The following CPLX2 variants were observed in gnomAD, a reference collection of about 807,000 sequenced individuals.
CPLX2 encodes complexin-2.
In CPLX2, 5 loss-of-function variants were observed where a neutral mutation model predicts 16.3. The observed-to-expected ratio is 0.31, with a 90% CI of 0.16 to 0.64. The LOEUF (loss-of-function observed/expected upper bound fraction) is 0.64. CPLX2 is among the 30% of genes least tolerant of loss of function. The probability of loss-of-function intolerance (pLI) is 0.79; values close to 1 mark genes in which losing one functional copy is unlikely to be tolerated. For synonymous variants in CPLX2, 89 were observed against 73.2 expected (o/e 1.22, Z -1.10); for missense variants, 144 against 181.4 (o/e 0.79, Z 1.18).
At chr5:175,802,639 G>C (rs1172566844) in intron 1 of CPLX2, among the ~76,000 whole-genome samples, 1 of 152,092 alleles carries the variant, frequency 6.6e-6, no homozygotes, top group Non-Finnish European at 1.5e-5. Context: ...TGCAGAGTAG[G>C]GCATGGGGCC....
Position 175,830,865 on chromosome 5 carries a change from T to A in CPLX2, c.-89+21797T>A, listed in dbSNP as rs1183305142. Among the ~76,000 whole-genome samples, 1 of 152,046 alleles carries A rather than the reference T, an allele frequency of 6.6e-6. No individual in the cohort carries two copies. The highest frequency in any genetic ancestry group is 1.5e-5 in the Non-Finnish European group (1 of 68,004). ...CATGTCACCTGCCAAGGGAAGCAGG[T>A]GGGTCTGCTCCAAACAAGCCTCGAT... On this transcript the variant is annotated intron_variant, in intron 2 of 4. Coordinates refer to the CPLX2 transcript ENST00000359546. The surrounding 1 kb of genome is among the most constrained non-coding windows in gnomAD (Gnocchi z 4.0).
At chr5:175,836,425 C>T (rs369275282) in intron 2 of CPLX2, among the ~76,000 whole-genome samples, 2 of 152,200 alleles carry the variant, frequency 1.3e-5, no homozygotes, top group Admixed American at 6.5e-5. Context: ...AGCACTGGTT[C>T]GTGCTCCTGG....
chr5:175,822,378 A>ACT (rs1285293360), intron 2 of CPLX2, among the ~76,000 whole-genome samples: 25 of 152,090 alleles, frequency 1.6e-4, no homozygotes, highest in Non-Finnish European at 3.2e-4. Context: ...CAGCCCAGTG[A>ACT]CTCAACTCTC....
At chr5:175,799,481 C>T (rs1758047272) in intron 1 of CPLX2, among the ~76,000 whole-genome samples, 1 of 147,614 alleles carries the variant, frequency 6.8e-6, no homozygotes, top group African/African-American at 2.5e-5. Flanking sequence ...TCTTTGTTCT[C>T]AAGAAGATGG....
At chr5:175,814,837 T>C (rs1410843012) in intron 2 of CPLX2, among the ~76,000 whole-genome samples, 1 of 152,082 alleles carries the variant, frequency 6.6e-6, no homozygotes, top group Non-Finnish European at 1.5e-5. Context: ...GCTTTTTTCC[T>C]CCTTGCATCA....
chr5:175,841,335 C>T (rs141097821), intron 2 of CPLX2, among the ~76,000 whole-genome samples: 229 of 152,322 alleles, frequency 1.5e-3, no homozygotes, highest in Middle Eastern at 3.4e-3. Context: ...TGTGCAAGCT[C>T]CCAGCAGGTG....
intron 2 of CPLX2, among the ~76,000 whole-genome samples, chr5:175,822,598 G>A (rs1038249268): frequency 1.3e-5 from 2 of 152,196 alleles, no homozygotes; most frequent in Non-Finnish European, 2.9e-5. Flanking sequence ...ATGGCCCCAG[G>A]GCTTCAGACA....
rs1016879668 is a variant in CPLX2 at position 175,817,452 on chromosome 5, C to T, written c.-89+8384C>T. Among the ~76,000 whole-genome samples the T allele has an allele frequency of 3.5e-4, 53 of 152,308 alleles. 1 individual carries two copies. The highest frequency in any genetic ancestry group is 1.2e-3 in the African/African-American group (51 of 41,558). On this transcript the variant is annotated intron_variant, in intron 2 of 4. Coordinates refer to the CPLX2 transcript ENST00000359546. ...GACCTCAACTGATGTCACTGTTTCT[C>T]CTTTTCCCCCACTGGGGTCAGAGGG... is the stretch of plus-strand genomic sequence containing the variant.
intron 1 of CPLX2, among the ~76,000 whole-genome samples, chr5:175,875,573 T>C (rs899958583): frequency 1.1e-4 from 17 of 152,228 alleles, no homozygotes; most frequent in African/African-American, 4.1e-4. Context: ...AATTACTCAC[T>C]ATTGCACAGC....
intron 2 of CPLX2, among the ~76,000 whole-genome samples, chr5:175,851,179 C>T (rs2113679097): frequency 6.6e-6 from 1 of 152,182 alleles, no homozygotes; most frequent in East Asian, 1.9e-4. Flanking sequence ...CTTGTCTCTT[C>T]AAAGGTACCC....
intron 2 of CPLX2, among the ~76,000 whole-genome samples, chr5:175,864,956 G>A (rs138958056): frequency 1.6e-4 from 25 of 152,198 alleles, no homozygotes; most frequent in Non-Finnish European, 2.5e-4. Context: ...TTCCCCATCC[G>A]TAAACTGAGG....
intron 2 of CPLX2, among the ~76,000 whole-genome samples, chr5:175,859,767 T>C (rs1759327961): frequency 6.6e-6 from 1 of 152,316 alleles, no homozygotes; most frequent in Admixed American, 6.5e-5. Flanking sequence ...GGGGACCAGC[T>C]TGTAGTAGGT....
chr5:175,842,501 C>T (rs144697011), intron 2 of CPLX2, among the ~76,000 whole-genome samples: 256 of 152,364 alleles, frequency 1.7e-3, no homozygotes, highest in African/African-American at 5.8e-3. Flanking sequence ...GCAAACGGCC[C>T]CGCTTCCTGA....
At chr5:175,848,276 A>C (rs778084806) in intron 2 of CPLX2, among the ~76,000 whole-genome samples, 30 of 152,192 alleles carry the variant, frequency 2.0e-4, no homozygotes, top group Non-Finnish European at 4.3e-4. Flanking sequence ...GAAAGGCCCC[A>C]AAAAGGAGGG....
intron 2 of CPLX2, among the ~76,000 whole-genome samples, chr5:175,840,818 G>C (rs567537762): frequency 2.0e-4 from 30 of 152,350 alleles, no homozygotes; most frequent in African/African-American, 6.3e-4. Flanking sequence ...TTGCACACAT[G>C]TGGGAAAGCG....
Position 175,879,842 on chromosome 5 carries a change from C to T in CPLX2, c.208-6C>T, listed in dbSNP as rs1755526164. ...TCATGCGCGTCTCTGCCCTCCCCCT[C>T]CCCAGTATGGGCTGAAGAAGAAGGA... On this transcript the variant is annotated splice_polypyrimidine_tract_variant and splice_region_variant and intron_variant, in intron 3 of 3. Coordinates refer to ENST00000393745, the MANE Select transcript of CPLX2 (RefSeq NM_001008220.2). 4 of 1,608,852 alleles carry T rather than the reference C, an allele frequency of 2.5e-6. No homozygotes were observed. The highest frequency in any genetic ancestry group is 3.4e-5 in the Admixed American group (2 of 59,264).
At chr5:175,868,593 G>A (rs555798737), upstream of CPLX2, among the ~76,000 whole-genome samples, 58 of 152,114 alleles carry the variant, frequency 3.8e-4, no homozygotes, top group Non-Finnish European at 7.5e-4. Flanking sequence ...ACCTGCGGCT[G>A]GGCCTGTTTG....
chr5:175,870,681 A>G (rs542258826), upstream of CPLX2, among the ~76,000 whole-genome samples: 1 of 152,302 alleles, frequency 6.6e-6, no homozygotes. Flanking sequence ...GTGGGAGCAG[A>G]TGTTGTCCTG....
intron 2 of CPLX2, among the ~76,000 whole-genome samples, chr5:175,836,215 T>C (rs1300485667): frequency 1.3e-5 from 2 of 152,044 alleles, no homozygotes; most frequent in East Asian, 1.9e-4. Context: ...CTGGGCGTGG[T>C]GGCGGGCACC....
Sources: allele counts gnomAD v4.1 joint callset (sites outside exome capture counted in the v4.1 genomes callset), GRCh38; gene constraint gnomAD v4.1.1; non-coding constraint Gnocchi (gnomAD v3.1); transcripts MANE v1.5; gene names NCBI Gene and HGNC (gene_info 2026-07-23, HGNC 2026-07-21).